PRKCB: variants seen among roughly 807,000 people sequenced by gnomAD.
The protein encoded by PRKCB is protein kinase C beta, also known as protein kinase C beta type.
Under a neutral mutation model 81.5 loss-of-function variants are expected in PRKCB, and 13 were observed. That is an observed-to-expected ratio of 0.16 (90% CI 0.10 to 0.25). The LOEUF (loss-of-function observed/expected upper bound fraction) is 0.25. PRKCB is among the 10% of genes least tolerant of loss of function. PRKCB has a pLI of 1.00. For missense variants in PRKCB, 509 were observed against 875.7 expected (o/e 0.58, Z 5.29); for synonymous variants, 335 against 321.4 (o/e 1.04, Z -0.45).
intron 2 of PRKCB, among the ~76,000 whole-genome samples, chr16:23,965,284 G>A (rs1412429860): frequency 6.6e-6 from 1 of 152,180 alleles, no homozygotes; most frequent in Non-Finnish European, 1.5e-5. Context: ...TTAGGATAGT[G>A]GCCTCCAGCT....
chr16:24,187,956 C>T (rs1692320124), intron 15 of PRKCB, among the ~76,000 whole-genome samples: 1 of 152,202 alleles, frequency 6.6e-6, no homozygotes, highest in African/African-American at 2.4e-5. Flanking sequence ...AATGAGATAA[C>T]ATAAGAGAAA....
chr16:23,867,755 C>T (rs1268592597), intron 2 of PRKCB, among the ~76,000 whole-genome samples: 1 of 152,232 alleles, frequency 6.6e-6, no homozygotes, highest in East Asian at 1.9e-4. Context: ...AGGGTCACAA[C>T]TTGTGCAATC....
At chr16:23,887,535 T>C (rs1195036564) in intron 2 of PRKCB, among the ~76,000 whole-genome samples, 1 of 152,264 alleles carries the variant, frequency 6.6e-6, no homozygotes, top group Non-Finnish European at 1.5e-5. Context: ...ATTTCATTTT[T>C]TTTATGGCTG....
intron 5 of PRKCB, among the ~76,000 whole-genome samples, chr16:24,042,252 T>G (rs1478690139): frequency 6.6e-6 from 1 of 152,146 alleles, no homozygotes; most frequent in Non-Finnish European, 1.5e-5. Context: ...CCATTCCTCC[T>G]CGGAGGCTCT....
chr16:24,140,975 A>G (rs1383393238), intron 9 of PRKCB, among the ~76,000 whole-genome samples: 1 of 152,198 alleles, frequency 6.6e-6, no homozygotes, highest in Non-Finnish European at 1.5e-5. Context: ...GGAAGTCAAA[A>G]GCAAGATGAG....
At chr16:24,084,685 C>T (rs1186266444) in intron 5 of PRKCB, among the ~76,000 whole-genome samples, 1 of 152,012 alleles carries the variant, frequency 6.6e-6, no homozygotes, top group Non-Finnish European at 1.5e-5. Context: ...CCCACATTTT[C>T]CGATAAAAAT....
At chr16:24,161,702 C>T (rs1382742452) in intron 10 of PRKCB, among the ~76,000 whole-genome samples, 2 of 152,030 alleles carry the variant, frequency 1.3e-5, no homozygotes, top group Non-Finnish European at 2.9e-5. Flanking sequence ...GCTAGATGAC[C>T]TCTAGGAAGT....
chr16:24,157,605 C>A (rs1283663056), intron 10 of PRKCB, among the ~76,000 whole-genome samples: 5 of 149,962 alleles, frequency 3.3e-5, no homozygotes, highest in Admixed American at 6.7e-5. Flanking sequence ...TCAGGTATGT[C>A]TAATGGACTA....
chr16:23,870,090 T>A (rs1597218677), intron 2 of PRKCB, among the ~76,000 whole-genome samples: 1 of 151,858 alleles, frequency 6.6e-6, no homozygotes, highest in African/African-American at 2.4e-5. Context: ...CAGACAAGAA[T>A]CTGATTTTGA....
At chr16:24,138,325 G>A (rs1258808604) in intron 9 of PRKCB, among the ~76,000 whole-genome samples, 2 of 152,198 alleles carry the variant, frequency 1.3e-5, no homozygotes, top group African/African-American at 4.8e-5. Context: ...TTATAAACAA[G>A]CTTTCTTCCT....
At chr16:23,863,196 GTATATATGTGTATATATACATA>G (rs1962708517) in intron 2 of PRKCB, among the ~76,000 whole-genome samples, 2 of 54,164 alleles carry the variant, frequency 3.7e-5, no homozygotes, top group Non-Finnish European at 7.3e-5. Context: ...ACATACATAC[GTATATATGTGTATATATACATA>G]CATATATATG....
chr16:24,155,760 T>G lies in PRKCB; in HGVS notation c.1239+903T>G, dbSNP rs1967147128. Reference sequence around the variant, plus strand: ...TGATTTCCCTCTCACTTTAATTCTTTTCTTTTATCTGTTCTATTATCTGCT... The same window carrying G: ...TGATTTCCCTCTCACTTTAATTCTTGTCTTTTATCTGTTCTATTATCTGCT... On this transcript the variant is annotated intron_variant, in intron 10 of 16. Transcript: ENST00000643927. Among the ~76,000 whole-genome samples the G allele has an allele frequency of 2.0e-5, 3 of 152,238 alleles. No individual in the cohort carries two copies. The South Asian group carries it at 6.2e-4, about 32-fold the overall frequency.
In PRKCB at chr16:23,836,774, G is replaced by A. The variant is rs1029409994; in HGVS notation, c.173+426G>A. 2.0e-5 allele frequency among the ~76,000 whole-genome samples: 3 copies of A among 151,368 alleles called. 1 individual carries two copies. The East Asian group carries it at 5.9e-4, about 30-fold the overall frequency. ...GCCCCCCACCCCTTGTTTCCGGGGG[G>A]GGCGGCGCCCTGGGTGTCCTTCTCT... On this transcript the variant is annotated intron_variant, in intron 1 of 16. Transcript: ENST00000643927.
At chr16:24,194,256 G>A (rs545372478) in intron 16 of PRKCB, among the ~76,000 whole-genome samples, 2 of 152,214 alleles carry the variant, frequency 1.3e-5, no homozygotes, top group South Asian at 4.1e-4. Context: ...GAACCTGGAG[G>A]CAGAGGTTGC....
intron 7 of PRKCB, among the ~76,000 whole-genome samples, chr16:24,096,392 A>T (rs1191710359): frequency 6.6e-6 from 1 of 152,038 alleles, no homozygotes; most frequent in Admixed American, 6.6e-5. Context: ...AATCTCTTTC[A>T]CTGACGTCAT....
chr16:24,093,582 T>C (rs1013423001), intron 6 of PRKCB, among the ~76,000 whole-genome samples: 1 of 152,178 alleles, frequency 6.6e-6, no homozygotes, highest in Non-Finnish European at 1.5e-5. Flanking sequence ...CAAAGTCCCA[T>C]AGCAAATATG....
intron 15 of PRKCB, 140 bp from the exon 16 acceptor site, chr16:24,190,950 G>GAAAAAACAAAAAAA (rs1364628590): frequency 9.6e-7 from 1 of 1,044,900 alleles, no homozygotes; most frequent in African/African-American, 1.6e-5. Flanking sequence ...TTTTTGCTGG[G>GAAAAAACAAAAAAA]ATAAAAAGCA....
At position 23,969,655 on chromosome 16, in the gene PRKCB, G is replaced by A. The variant is rs142951164; in HGVS notation, c.206-18853G>A. ...AGACAATCAATAGATGTTAGCTATT[G>A]TAATTGCCATCATCGTCATCATCAT... On this transcript the variant is annotated intron_variant, in intron 2 of 16. Coordinates refer to ENST00000643927, the MANE Select transcript of PRKCB (RefSeq NM_002738.7). Among the ~76,000 whole-genome samples the A allele has an allele frequency of 3.9e-5, 6 of 152,302 alleles. No individual in the cohort carries two copies. In the East Asian group the frequency reaches 1.2e-3, roughly 29 times the overall value.
At position 24,128,187 on chromosome 16, in the gene PRKCB, C is replaced by T. The variant is rs537200516; in HGVS notation, c.1065+4206C>T. Among the ~76,000 whole-genome samples, 313 of 152,054 alleles carry T rather than the reference C, an allele frequency of 2.1e-3. 5 individuals are homozygous for T. The highest frequency in any genetic ancestry group is 3.8e-4 in the Non-Finnish European group (26 of 68,002). On this transcript the variant is annotated intron_variant, in intron 9 of 16. Coordinates refer to ENST00000643927, the MANE Select transcript of PRKCB (RefSeq NM_002738.7). Reference sequence around the variant, plus strand: ...GTCAGGAGTTCGAGGCCAGCCTGGCCAATATGGTGAAACCCTGTCTCTACT... The same window carrying T: ...GTCAGGAGTTCGAGGCCAGCCTGGCTAATATGGTGAAACCCTGTCTCTACT...
Sources: gnomAD v4.1 joint callset for allele counts (sites outside exome capture counted in the v4.1 genomes callset) on GRCh38, gnomAD v4.1.1 for gene constraint, MANE v1.5 for transcripts, NCBI Gene and HGNC (gene_info 2026-07-23, HGNC 2026-07-21) for gene names.